ZNF385D: variants seen among roughly 807,000 people sequenced by gnomAD.
ZNF385D encodes the protein zinc finger protein 385D.
ZNF385D carries 15 observed loss-of-function variants against 35.8 expected under a neutral mutation model. That is an observed-to-expected ratio of 0.42 (90% CI 0.28 to 0.64). ZNF385D has a LOEUF of 0.64. ZNF385D is among the 30% of genes least tolerant of loss of function. The probability of loss-of-function intolerance (pLI) is 0.23; values close to 1 mark genes in which losing one functional copy is unlikely to be tolerated. For missense variants in ZNF385D, 474 were observed against 494.6 expected, an observed-to-expected ratio of 0.96 and a Z score of 0.39; for synonymous variants, 212 against 186.8, an observed-to-expected ratio of 1.13 and a Z score of -1.10.
chr3:21,452,335 G>C (rs1702509857), intron 4 of ZNF385D, among the ~76,000 whole-genome samples: 1 of 151,982 alleles, frequency 6.6e-6, no homozygotes, highest in Non-Finnish European at 1.5e-5. Flanking sequence ...ATGTTCAACT[G>C]AAAGCTTTCC....
rs560003050 is a variant in ZNF385D at position 22,080,759 on chromosome 3, T to C, written c.325+88058A>G. Among the ~76,000 whole-genome samples the C allele has an allele frequency of 1.4e-4, 22 of 152,142 alleles. 1 individual carries two copies. Among genetic ancestry groups the C allele is most frequent in the African/African-American group, 5.3e-4 (22 of 41,504 alleles). ...AAAAGGTAGGGCCTTTGGGGGGCAATTAGATTATGAGGGTGGTGTCATTTT... is the reference window on the plus strand; with the variant it reads ...AAAAGGTAGGGCCTTTGGGGGGCAACTAGATTATGAGGGTGGTGTCATTTT... On this transcript the variant is annotated intron_variant, in intron 3 of 5. Coordinates refer to the ZNF385D transcript ENST00000494108.
chr3:21,680,015 A>G (rs971983026), intron 1 of ZNF385D, among the ~76,000 whole-genome samples: 2 of 152,130 alleles, frequency 1.3e-5, no homozygotes, highest in Non-Finnish European at 2.9e-5. Context: ...TCAAAATATG[A>G]TAGCTGACTT....
At chr3:21,955,482 T>C (rs1388450167) in intron 3 of ZNF385D, among the ~76,000 whole-genome samples, 1 of 152,132 alleles carries the variant, frequency 6.6e-6, no homozygotes, top group Non-Finnish European at 1.5e-5. Flanking sequence ...GGTGATTTCT[T>C]AAGCTTCTGA....
chr3:21,634,282 AAAGAAAGG>A (rs1368019420), intron 2 of ZNF385D, among the ~76,000 whole-genome samples: 1 of 150,924 alleles, frequency 6.6e-6, no homozygotes, highest in Non-Finnish European at 1.5e-5. Context: ...GGAAGGAAGA[AAAGAAAGG>A]AAGAAAGGAG....
chr3:22,328,422 C>T (rs188006962), intron 2 of ZNF385D, among the ~76,000 whole-genome samples: 112 of 152,230 alleles, frequency 7.4e-4, no homozygotes, highest in African/African-American at 2.5e-3. Context: ...ACATTGAACA[C>T]CTGCATTACC....
At chr3:21,551,246 T>C (rs570459755) in intron 3 of ZNF385D, among the ~76,000 whole-genome samples, 4 of 152,264 alleles carry the variant, frequency 2.6e-5, no homozygotes, top group South Asian at 2.1e-4. Flanking sequence ...GTAACAACCA[T>C]TGAAACTTCA....
At chr3:21,428,370 G>A (rs747720861) in intron 5 of ZNF385D, among the ~76,000 whole-genome samples, 2 of 151,934 alleles carry the variant, frequency 1.3e-5, no homozygotes, top group Non-Finnish European at 2.9e-5. Context: ...TTACTAGCTC[G>A]TGGTCACAAA....
chr3:22,002,907 C>G (rs1397390489), intron 3 of ZNF385D, among the ~76,000 whole-genome samples: 1 of 151,972 alleles, frequency 6.6e-6, no homozygotes, highest in African/African-American at 2.4e-5. Flanking sequence ...ACAAATTAGG[C>G]ACACAAGAAA....
chr3:21,793,822 A>C (rs1316332282), intron 3 of ZNF385D, among the ~76,000 whole-genome samples: 4 of 152,366 alleles, frequency 2.6e-5, no homozygotes, highest in African/African-American at 9.6e-5. Flanking sequence ...TGAAATCCAC[A>C]AAAAGTTAGA....
intron 3 of ZNF385D, among the ~76,000 whole-genome samples, chr3:21,868,131 G>A (rs931045086): frequency 6.6e-6 from 1 of 152,088 alleles, no homozygotes; most frequent in Non-Finnish European, 1.5e-5. Flanking sequence ...ATCATGAGCA[G>A]CAGTTGGCAA....
At chr3:22,124,012 G>C (rs944205305) in intron 3 of ZNF385D, among the ~76,000 whole-genome samples, 2 of 138,788 alleles carry the variant, frequency 1.4e-5, no homozygotes, top group Non-Finnish European at 3.1e-5. Context: ...TCATCCTGTT[G>C]TGCAAGCAAC....
At chr3:21,722,702 A>G (rs957017545) in intron 1 of ZNF385D, among the ~76,000 whole-genome samples, 3 of 152,208 alleles carry the variant, frequency 2.0e-5, no homozygotes, top group Admixed American at 6.5e-5. Flanking sequence ...TTCTTTTGCC[A>G]ACTTCCACAC....
intron 2 of ZNF385D, among the ~76,000 whole-genome samples, chr3:22,207,410 C>A (rs967714480): frequency 2.0e-5 from 3 of 151,810 alleles, no homozygotes; most frequent in African/African-American, 7.2e-5. Context: ...AAACAAAGCC[C>A]CTATCTCCTG....
intron 3 of ZNF385D, among the ~76,000 whole-genome samples, chr3:21,959,290 G>T (rs1346606333): frequency 6.6e-6 from 1 of 152,034 alleles, no homozygotes; most frequent in East Asian, 1.9e-4. Context: ...AAGGCAAAAT[G>T]CACTGGCAAA....
At chr3:22,286,879 T>C (rs1355108045) in intron 2 of ZNF385D, among the ~76,000 whole-genome samples, 4 of 152,134 alleles carry the variant, frequency 2.6e-5, no homozygotes, top group African/African-American at 9.6e-5. Context: ...CCTACATGTG[T>C]TGGTTAGATC....
At chr3:22,149,055 T>C (rs929336923) in intron 3 of ZNF385D, among the ~76,000 whole-genome samples, 1 of 152,102 alleles carries the variant, frequency 6.6e-6, no homozygotes, top group Non-Finnish European at 1.5e-5. Flanking sequence ...AATCAAACTG[T>C]GATCCCAGGA....
intron 4 of ZNF385D, among the ~76,000 whole-genome samples, chr3:21,437,963 C>T (rs1395752228): frequency 2.0e-5 from 3 of 152,092 alleles, no homozygotes; most frequent in African/African-American, 7.2e-5. Context: ...ATGGCCACAC[C>T]ATGCTGTTGT....
At chr3:21,466,111 T>C (rs1186921014) in intron 4 of ZNF385D, among the ~76,000 whole-genome samples, 3 of 152,158 alleles carry the variant, frequency 2.0e-5, no homozygotes, top group Admixed American at 6.5e-5. Flanking sequence ...GCCCTGCAAA[T>C]AATGTCTTCA....
chr3:22,370,546 G>C (rs909661086), intron 2 of ZNF385D, among the ~76,000 whole-genome samples: 1 of 152,142 alleles, frequency 6.6e-6, no homozygotes, highest in East Asian at 1.9e-4. Context: ...ATCACTGTAT[G>C]AATTTTTCAT....
Sources: allele counts gnomAD v4.1 joint callset (sites outside exome capture counted in the v4.1 genomes callset), GRCh38; gene constraint gnomAD v4.1.1; transcripts MANE v1.5; gene names NCBI Gene and HGNC (gene_info 2026-07-23, HGNC 2026-07-21).